Variants in RORA observed in about 807,000 individuals in gnomAD.
RORA encodes the protein RAR related orphan receptor A.
In RORA, 7 loss-of-function variants were observed where a neutral mutation model predicts 69.5. That is an observed-to-expected ratio of 0.10 (90% CI 0.06 to 0.19). The LOEUF (loss-of-function observed/expected upper bound fraction) is 0.19. Among genes scored for constraint, RORA ranks in the 10% least tolerant of loss-of-function variants. RORA has a pLI of 1.00. For missense variants in RORA, 457 were observed against 663.0 expected, an observed-to-expected ratio of 0.69 and a Z score of 3.41; for synonymous variants, 261 against 240.8, an observed-to-expected ratio of 1.08 and a Z score of -0.78.
intron 1 of RORA, among the ~76,000 whole-genome samples, chr15:60,873,521 C>T (rs924699046): frequency 5.3e-5 from 8 of 152,004 alleles, no homozygotes; most frequent in South Asian, 2.1e-4. Flanking sequence ...TCACACAGTT[C>T]GGTATTATTA....
chr15:60,988,710 A>G (rs535504142), intron 1 of RORA, among the ~76,000 whole-genome samples: 5 of 152,178 alleles, frequency 3.3e-5, no homozygotes, highest in Non-Finnish European at 7.3e-5. Flanking sequence ...TATGATGTTT[A>G]AAGGCCACCT....
chr15:61,134,553 T>C (rs777164019), intron 1 of RORA, among the ~76,000 whole-genome samples: 3 of 152,166 alleles, frequency 2.0e-5, no homozygotes, highest in Non-Finnish European at 4.4e-5. Context: ...TATTAACCCA[T>C]TAAAAATGCT....
intron 2 of RORA, among the ~76,000 whole-genome samples, chr15:60,578,026 T>A (rs984495713): frequency 6.6e-6 from 1 of 152,220 alleles, no homozygotes; most frequent in African/African-American, 2.4e-5. Context: ...AATAGCCTTT[T>A]CAGATAATTT....
intron 1 of RORA, among the ~76,000 whole-genome samples, chr15:61,036,277 G>A (rs545174307): frequency 6.6e-6 from 1 of 152,128 alleles, no homozygotes; most frequent in Non-Finnish European, 1.5e-5. Flanking sequence ...GGAGAGCATC[G>A]GCAAAGATAG....
intron 1 of RORA, among the ~76,000 whole-genome samples, chr15:60,939,440 G>A (rs951943848): frequency 2.6e-5 from 4 of 152,158 alleles, no homozygotes; most frequent in Non-Finnish European, 5.9e-5. Flanking sequence ...CAGCAGGGAC[G>A]CACGTGCTCA....
At position 61,229,156 on chromosome 15, in the gene RORA, G is replaced by T; in HGVS notation, c.63C>A (p.Asp21Glu). Residue 21 changes from aspartate (D) to glutamate (E), a missense_variant, in exon 1 of 11, where the codon GAC (aspartate) becomes GAA (glutamate). Asp to Glu is a conservative substitution (Grantham distance 45). This residue lies in a region of RORA where 119 missense variants were observed against 92.4 expected (regional missense o/e 1.29). Transcript: ENST00000335670. ...GGGTCTCCCTGGAGCCGGCGGCCGC[G>T]TCCGCGCCGCTGCTGCCTGGCTCGC... Reference protein sequence around the residue: ...AASEPGSSGADAAAGSRETPL... With the variant: ...AASEPGSSGAEAAAGSRETPL... 1 of 1,547,434 alleles carries T rather than the reference G, an allele frequency of 6.5e-7. No homozygotes were observed.
chr15:60,975,969 C>A (rs1016230176), intron 1 of RORA, among the ~76,000 whole-genome samples: 2 of 152,142 alleles, frequency 1.3e-5, no homozygotes, highest in South Asian at 4.1e-4. Flanking sequence ...GCCACAGATC[C>A]CCCTACACTC....
At chr15:60,533,361 T>C (rs190773177) in intron 2 of RORA, among the ~76,000 whole-genome samples, 187 of 152,324 alleles carry the variant, frequency 1.2e-3, no homozygotes, top group East Asian at 9.6e-4. Context: ...CTTTGGACAC[T>C]AATAGGTATA....
At chr15:60,985,528 A>C (rs1170085773) in intron 1 of RORA, among the ~76,000 whole-genome samples, 3 of 149,924 alleles carry the variant, frequency 2.0e-5, no homozygotes, top group Admixed American at 2.0e-4. Context: ...CTATGAAGGT[A>C]TATTTTTCTC....
At chr15:61,158,645 C>T (rs754223365) in intron 1 of RORA, among the ~76,000 whole-genome samples, 48 of 152,284 alleles carry the variant, frequency 3.2e-4, no homozygotes, top group Non-Finnish European at 2.8e-4. Flanking sequence ...GAGGTAAGTA[C>T]TATTATTTCC....
chr15:60,670,485 C>T (rs1342822076), intron 2 of RORA, among the ~76,000 whole-genome samples: 3 of 152,130 alleles, frequency 2.0e-5, no homozygotes, highest in Non-Finnish European at 2.9e-5. Context: ...GCTGGGATTA[C>T]AAGCGTGAGC....
intron 1 of RORA, among the ~76,000 whole-genome samples, chr15:61,174,569 C>T (rs1441093543): frequency 6.6e-6 from 1 of 152,200 alleles, no homozygotes; most frequent in East Asian, 1.9e-4. Context: ...TAGTATATCA[C>T]TGTGTCAAAA....
At chr15:61,170,581 T>C (rs113207066) in intron 1 of RORA, among the ~76,000 whole-genome samples, 1,763 of 152,294 alleles carry the variant, frequency 0.012, 46 homozygotes, top group African/African-American at 0.04. Flanking sequence ...CTCTAGGGAT[T>C]GGGGTATGGA....
intron 1 of RORA, among the ~76,000 whole-genome samples, chr15:60,887,152 G>C (rs1380662254): frequency 6.6e-6 from 1 of 152,120 alleles, no homozygotes; most frequent in African/African-American, 2.4e-5. Flanking sequence ...GAGAGAGAGA[G>C]AGAGAGAGAG....
chr15:61,179,315 C>T (rs960089853), intron 1 of RORA, among the ~76,000 whole-genome samples: 4 of 152,102 alleles, frequency 2.6e-5, no homozygotes, highest in Non-Finnish European at 5.9e-5. Flanking sequence ...TGTGTGATAC[C>T]ACCACACACT....
intron 5 of RORA, among the ~76,000 whole-genome samples, chr15:60,507,404 G>A (rs960603822): frequency 6.6e-6 from 1 of 152,086 alleles, no homozygotes; most frequent in Non-Finnish European, 1.5e-5. Context: ...CCTAAATGGA[G>A]CTGGAAACCA....
chr15:61,091,528 CT>C (rs941437908), intron 1 of RORA, among the ~76,000 whole-genome samples: 10 of 152,340 alleles, frequency 6.6e-5, no homozygotes, highest in Admixed American at 6.5e-4. Context: ...CAATCCTCAG[CT>C]GTGGGGCTCC....
chr15:60,757,634 C>T (rs2071822050), intron 1 of RORA, among the ~76,000 whole-genome samples: 1 of 152,180 alleles, frequency 6.6e-6, no homozygotes, highest in African/African-American at 2.4e-5. Context: ...TGACACTTTC[C>T]TTGTCCCAAA....
chr15:61,171,049 G>A (rs1229374177), intron 1 of RORA, among the ~76,000 whole-genome samples: 1 of 152,178 alleles, frequency 6.6e-6, no homozygotes, highest in East Asian at 1.9e-4. Flanking sequence ...ACTAGCAAAG[G>A]CAGGATTTGA....
Sources: allele counts gnomAD v4.1 joint callset (sites outside exome capture counted in the v4.1 genomes callset), GRCh38; gene constraint gnomAD v4.1.1; regional missense constraint gnomAD v4.1.1; transcripts MANE v1.5; gene names NCBI Gene and HGNC (gene_info 2026-07-23, HGNC 2026-07-21).